The following NALCN variants were observed in gnomAD, a reference collection of about 807,000 sequenced individuals.
NALCN encodes the protein sodium leak channel NALCN.
NALCN carries 111 observed loss-of-function variants against 225.3 expected under a neutral mutation model. That is an observed-to-expected ratio of 0.49 (90% confidence interval 0.42 to 0.58). The LOEUF (loss-of-function observed/expected upper bound fraction) is 0.58, where lower values mean the gene tolerates loss of function less well. NALCN is among the 20% of genes least tolerant of loss of function. NALCN has a pLI of 0.00. For missense variants in NALCN, 1,378 were observed against 2,202.4 expected, an observed-to-expected ratio of 0.63 and a Z score of 7.49; for synonymous variants, 764 against 769.0, an observed-to-expected ratio of 0.99 and a Z score of 0.11.
At chr13:101,232,702 T>A (rs1029582995) in intron 12 of NALCN, among the ~76,000 whole-genome samples, 1 of 152,086 alleles carries the variant, frequency 6.6e-6, no homozygotes, top group African/African-American at 2.4e-5. Flanking sequence ...TGCCTCGGCC[T>A]CCCAAAGTGC....
intron 1 of NALCN, among the ~76,000 whole-genome samples, chr13:101,404,914 T>C (rs779533916): frequency 1.3e-5 from 2 of 152,234 alleles, no homozygotes; most frequent in Non-Finnish European, 2.9e-5. Flanking sequence ...TAAGCACAGC[T>C]TTCCAGATTA....
intron 7 of NALCN, among the ~76,000 whole-genome samples, chr13:101,313,392 G>A (rs1013741026): frequency 6.6e-6 from 1 of 152,158 alleles, no homozygotes; most frequent in African/African-American, 2.4e-5. Context: ...AGAGTGAATA[G>A]GGAACCTATA....
chr13:101,105,564 T>C (rs1314578958), intron 22 of NALCN, among the ~76,000 whole-genome samples: 1 of 152,168 alleles, frequency 6.6e-6, no homozygotes, highest in African/African-American at 2.4e-5. Flanking sequence ...GGAAATTACA[T>C]CACACTAAGT....
chr13:101,124,677 C>G lies in NALCN; in HGVS notation c.2123G>C (p.Arg708Pro). ...TGCCCTGATGCTGAAAACAGACTTG[C>G]GAAGCTGAAAATGATAAGAGTATGA... ...EDNKYIDQKLRKSVFSIRARN... is the reference protein window; with the variant it reads ...EDNKYIDQKLPKSVFSIRARN... The change falls in exon 18 of 44, where the codon CGC becomes CCC. Residue 708 changes from arginine (R) to proline (P), a missense_variant. Physicochemically the swap from Arg to Pro is moderately radical, Grantham distance 103. Transcript: ENST00000251127. The G allele has an allele frequency of 6.2e-7, 1 of 1,613,562 alleles. No homozygotes were observed. Among genetic ancestry groups the G allele is most frequent in the Non-Finnish European group, 8.5e-7 (1 of 1,179,824 alleles).
chr13:101,205,300 T>G (rs1351216852), intron 13 of NALCN, among the ~76,000 whole-genome samples: 1 of 152,086 alleles, frequency 6.6e-6, no homozygotes, highest in African/African-American at 2.4e-5. Context: ...TAAAATAAGC[T>G]CTACTGATTA....
At chr13:101,129,517 G>C (rs1257810587) in intron 17 of NALCN, among the ~76,000 whole-genome samples, 3 of 152,024 alleles carry the variant, frequency 2.0e-5, no homozygotes, top group Admixed American at 6.6e-5. Flanking sequence ...GATGCTCCAA[G>C]GTCAGCTTGT....
chr13:101,299,895 T>C (rs925096457), intron 7 of NALCN, among the ~76,000 whole-genome samples: 1 of 152,188 alleles, frequency 6.6e-6, no homozygotes, highest in Non-Finnish European at 1.5e-5. Flanking sequence ...TATAATGTTT[T>C]TCTTCACCAA....
chr13:101,090,049 G>A (rs2034141544), intron 28 of NALCN, 83 bp from the exon 29 acceptor site: 2 of 1,592,572 alleles, frequency 1.3e-6, no homozygotes, highest in Non-Finnish European at 8.6e-7. Flanking sequence ...TTCCAGTCAT[G>A]AGTGTGGGAT....
intron 7 of NALCN, among the ~76,000 whole-genome samples, chr13:101,321,958 A>G (rs982812597): frequency 6.6e-6 from 1 of 152,192 alleles, no homozygotes; most frequent in Non-Finnish European, 1.5e-5. Flanking sequence ...AGTTTTTTAA[A>G]TTCAAGAAAT....
At chr13:101,153,953 C>T (rs2037779974) in intron 15 of NALCN, among the ~76,000 whole-genome samples, 1 of 152,204 alleles carries the variant, frequency 6.6e-6, no homozygotes. Flanking sequence ...GTGCCCCCCT[C>T]ACACAGGGAT....
Position 101,068,687 on chromosome 13 carries a change from T to C in NALCN, c.4330+8A>G. ...AAGAGTAAAAAGTATTCAACTAACA[T>C]CACTTACCTACAAGCAGATTTAGCA... On this transcript the variant is annotated splice_region_variant and intron_variant, in intron 38 of 43. Transcript: ENST00000251127. The C allele has an allele frequency of 6.3e-7, 1 of 1,588,608 alleles. No individual in the cohort carries two copies. Among genetic ancestry groups the C allele is most frequent in the Non-Finnish European group, 8.6e-7 (1 of 1,169,240 alleles).
rs1282607439 is a variant in NALCN, at chr13:101,132,839, TTGAAA to T, written c.2119-8163_2119-8159del. Among the ~76,000 whole-genome samples, 3 of 152,272 alleles carry T rather than the reference TTGAAA, an allele frequency of 2.0e-5. No individual in the cohort carries two copies. The East Asian group carries it at 5.8e-4, about 29-fold the overall frequency. ...CATAACAAAATATTATCTGCTTGAC[TTGAAA>T]TATTTTGTTTACACATATTATAAAC... On this transcript the variant is annotated intron_variant, in intron 17 of 43. Transcript: ENST00000251127.
chr13:101,061,120 A>C (rs954258011), intron 41 of NALCN, among the ~76,000 whole-genome samples: 2 of 152,214 alleles, frequency 1.3e-5, no homozygotes, highest in African/African-American at 4.8e-5. Flanking sequence ...TATCTCATAG[A>C]AACATTCACT....
In NALCN at chr13:101,089,629, T is replaced by TAA. The variant is rs755001896; in HGVS notation, c.3489+32_3489+33dup. 1.9e-6 allele frequency: 3 copies of TAA among 1,598,804 alleles called. No homozygotes were observed. The South Asian group carries it at 3.3e-5, about 18-fold the overall frequency. ...CTCAAAGTGAGTGGCTAGAAAAGGC[T>TAA]AAACCCTGTGGTATCCAAACCAAAA... On this transcript the variant is annotated intron_variant, in intron 30 of 43. Transcript: ENST00000251127. The surrounding 1 kb of genome is among the most constrained non-coding windows in gnomAD (Gnocchi z 4.7).
intron 10 of NALCN, among the ~76,000 whole-genome samples, chr13:101,262,855 A>G (rs568551): frequency 0.38 from 58,156 of 151,984 alleles, 11,462 homozygotes; most frequent in Middle Eastern, 0.46. Flanking sequence ...TCTCATTGAT[A>G]AAGTGGAGAA....
intron 7 of NALCN, among the ~76,000 whole-genome samples, chr13:101,331,053 AG>A (rs2139234366): frequency 6.6e-6 from 1 of 152,322 alleles, no homozygotes; most frequent in East Asian, 1.9e-4. Flanking sequence ...AAGCCACAAA[AG>A]TAACACGAGT....
chr13:101,104,158 T>G lies in NALCN; in HGVS notation c.2889+137A>C, dbSNP rs971451917. ...TGGCCCTTATTTGCATATAATGAAC[T>G]ACTCTAGAGTCCATTTAAGAATTCG... On this transcript the variant is annotated intron_variant, in intron 25 of 43. Coordinates refer to ENST00000251127, the MANE Select transcript of NALCN (RefSeq NM_052867.4). The surrounding 1 kb of genome is among the most constrained non-coding windows in gnomAD (Gnocchi z 4.2). 1.1e-6 allele frequency: 1 copy of G among 931,862 alleles called. No homozygotes were observed. The highest frequency in any genetic ancestry group is 2.2e-5 in the South Asian group (1 of 45,954). The allele number at this position is 931,862 out of a possible 1,614,324, so 57.7% of individuals were successfully genotyped here.
intron 15 of NALCN, among the ~76,000 whole-genome samples, chr13:101,152,713 G>C (rs1284457659): frequency 1.3e-5 from 2 of 152,102 alleles, no homozygotes; most frequent in Non-Finnish European, 2.9e-5. Context: ...CAGTGGTGAT[G>C]AATAAAGATT....
chr13:101,272,310 A>G (rs2042821487), intron 10 of NALCN, among the ~76,000 whole-genome samples: 1 of 152,096 alleles, frequency 6.6e-6, no homozygotes, highest in African/African-American at 2.4e-5. Context: ...ATGCGTGAGC[A>G]TTTGGGGGAA....
Sources: allele counts gnomAD v4.1 joint callset (sites outside exome capture counted in the v4.1 genomes callset), GRCh38; gene constraint gnomAD v4.1.1; non-coding constraint Gnocchi (gnomAD v3.1); transcripts MANE v1.5; gene names NCBI Gene and HGNC (gene_info 2026-07-23, HGNC 2026-07-21).